Variants in EXOC7 observed in about 807,000 individuals in gnomAD.
EXOC7 encodes exocyst complex component Exo70.
A neutral mutation model predicts 87.6 loss-of-function variants in EXOC7; 51 were observed. The ratio of observed to expected loss-of-function variants is 0.58; its 90% confidence interval spans 0.46 to 0.73. The LOEUF (loss-of-function observed/expected upper bound fraction) is 0.73, where lower values mean the gene tolerates loss of function less well. Among genes scored for constraint, EXOC7 ranks in the 30% least tolerant of loss-of-function variants. EXOC7 has a pLI of 0.00. For synonymous variants in EXOC7, 327 were observed against 357.1 expected (o/e 0.92, Z 0.95); for missense variants, 744 against 888.4 (o/e 0.84, Z 2.07).
intron 13 of EXOC7, 50 bp downstream of exon 13, chr17:76,086,030 G>A (rs1243737677): frequency 4.4e-6 from 7 of 1,597,332 alleles, no homozygotes; most frequent in African/African-American, 1.3e-5. Flanking sequence ...GAAGGGAAAG[G>A]CAGGGCATGC....
intron 4 of EXOC7, 125 bp from the exon 5 acceptor site, chr17:76,098,143 C>T: frequency 3.4e-6 from 2 of 592,568 alleles, no homozygotes; most frequent in South Asian, 2.3e-5. Context: ...GCCCTGATAT[C>T]TTTTTTTTTT....
At chr17:76,090,242 C>T (rs2067413303) in intron 7 of EXOC7, 2 of 1,463,676 alleles carry the variant, frequency 1.4e-6, no homozygotes, top group South Asian at 1.3e-5. Context: ...AGAGTGGGCC[C>T]AGCTGGGCCA....
intron 10 of EXOC7, 36 bp downstream of exon 10, chr17:76,088,428 C>T (rs369143011): frequency 3.9e-5 from 62 of 1,592,840 alleles, no homozygotes; most frequent in Non-Finnish European, 5.1e-5. Context: ...TGGTGCTGGG[C>T]CGGGAGGGAG....
chr17:76,091,000 C>T (rs2067451699), intron 7 of EXOC7, 143 bp downstream of exon 7: 5 of 723,852 alleles, frequency 6.9e-6, no homozygotes, highest in Non-Finnish European at 7.4e-6. Context: ...CGCTGAAGCC[C>T]GAGTGGCATC....
rs2067049317 is a variant in EXOC7 at position 76,083,004 on chromosome 17, C to CTGG, written c.*643_*644insCCA. 2.0e-5 allele frequency: 4 copies of CTGG among 203,922 alleles called. No individual in the cohort carries two copies. Among genetic ancestry groups the CTGG allele is most frequent in the Admixed American group, 1.7e-4 (3 of 17,458 alleles). 12.6% of individuals were successfully genotyped at this position (203,922 alleles called of 1,614,324 possible). A position where few individuals can be genotyped will look rare whatever the true frequency, so the allele number is the denominator to read the frequency against. ...AGGCACTGAGGCTGGGGGCCAGAGACAGGGGCCTGAGGAAGGCTGTAGAGG... is the reference window on the plus strand; with the variant it reads ...AGGCACTGAGGCTGGGGGCCAGAGACTGGAGGGGCCTGAGGAAGGCTGTAGAGG... On this transcript the variant is annotated 3_prime_UTR_variant, in exon 19 of 19. Transcript: ENST00000589210.
chr17:76,098,919 T>C (rs2144690336), intron 4 of EXOC7, among the ~76,000 whole-genome samples: 2 of 151,940 alleles, frequency 1.3e-5, no homozygotes, highest in Middle Eastern at 6.8e-3. Flanking sequence ...AACCGTTAAT[T>C]TGTCTTCTTG....
intron 5 of EXOC7, among the ~76,000 whole-genome samples, chr17:76,095,963 G>A (rs898455072): frequency 7.2e-5 from 11 of 152,266 alleles, no homozygotes; most frequent in Admixed American, 2.6e-4. Flanking sequence ...AAGGAACCCC[G>A]ACAGAAGAAA....
At chr17:76,099,642 A>G (rs2067959995) in intron 4 of EXOC7, among the ~76,000 whole-genome samples, 1 of 152,248 alleles carries the variant, frequency 6.6e-6, no homozygotes, top group Admixed American at 6.5e-5. Context: ...GCATCACGCT[A>G]AGTGAAAGAG....
At chr17:76,091,290 G>A in intron 6 of EXOC7, 55 bp from the exon 7 acceptor site, 1 of 1,503,354 alleles carries the variant, frequency 6.7e-7, no homozygotes, top group Non-Finnish European at 9.3e-7. Flanking sequence ...ATGAGTGAGA[G>A]AAAACAGCAG....
chr17:76,088,425 G>A (rs759275690), intron 10 of EXOC7, 39 bp downstream of exon 10: 7 of 1,583,942 alleles, frequency 4.4e-6, no homozygotes, highest in Middle Eastern at 1.7e-4. Flanking sequence ...CTGTGGTGCT[G>A]GGCCGGGAGG....
At chr17:76,088,996 T>G in intron 8 of EXOC7, 73 bp from the exon 9 acceptor site, 1 of 1,521,690 alleles carries the variant, frequency 6.6e-7, no homozygotes, top group Middle Eastern at 1.7e-4. Flanking sequence ...GGGGGATCCT[T>G]GCAGTATGTA....
intron 10 of EXOC7, 95 bp downstream of exon 10, chr17:76,088,369 G>T: frequency 1.6e-6 from 2 of 1,283,870 alleles, no homozygotes; most frequent in Non-Finnish European, 1.1e-6. Flanking sequence ...CCGGGACAAC[G>T]CACCCTCTTG....
intron 2 of EXOC7, 36 bp downstream of exon 2, chr17:76,103,325 A>T: frequency 6.4e-7 from 1 of 1,556,210 alleles, no homozygotes; most frequent in Non-Finnish European, 8.7e-7. Context: ...CAGGGTCCGG[A>T]GGCCTGCCCT....
chr17:76,097,737 AAG>A (rs2067838835), intron 5 of EXOC7, 57 bp downstream of exon 5: 1 of 858,974 alleles, frequency 1.2e-6, no homozygotes, highest in Non-Finnish European at 1.8e-6. Flanking sequence ...AAAAAGAACA[AAG>A]GGGAGAAAAC....
rs182284721 is a variant in EXOC7 at position 76,084,652 on chromosome 17, A to C, written c.1713-72T>G. On this transcript the variant is annotated intron_variant, in intron 15 of 18. Coordinates refer to ENST00000589210, the MANE Select transcript of EXOC7 (RefSeq NM_001013839.4). ...AGTGGCCTGGCTTGTTTCGTTTGCT[A>C]AATCTCTGGATCTACTTGGTGGGTG... 2.2e-6 allele frequency: 3 copies of C among 1,376,062 alleles called. No individual in the cohort carries two copies. The East Asian group carries it at 6.9e-5, about 32-fold the overall frequency. The allele number at this position is 1,376,062 out of a possible 1,614,324, so 85.2% of individuals were successfully genotyped here.
intron 13 of EXOC7, 56 bp downstream of exon 13, chr17:76,086,024 G>T: frequency 6.3e-7 from 1 of 1,595,818 alleles, no homozygotes; most frequent in South Asian, 1.1e-5. Flanking sequence ...CAGAAGGAAG[G>T]GAAAGGCAGG....
At chr17:76,091,007 C>T in intron 7 of EXOC7, 136 bp downstream of exon 7, 2 of 743,092 alleles carry the variant, frequency 2.7e-6, no homozygotes, top group Non-Finnish European at 4.8e-6. Flanking sequence ...GCCCGAGTGG[C>T]ATCGGGGACC....
intron 7 of EXOC7, chr17:76,090,637 G>C (rs767336026): frequency 4.4e-6 from 3 of 675,540 alleles, no homozygotes; most frequent in Non-Finnish European, 7.4e-6. Context: ...TCATTTCCCC[G>C]AGCCTGGAGG....
chr17:76,095,425 C>T (rs936861020), intron 5 of EXOC7, among the ~76,000 whole-genome samples: 8 of 152,156 alleles, frequency 5.3e-5, no homozygotes, highest in South Asian at 2.1e-4. Context: ...TGAGCCATGG[C>T]GCCCAGCCCT....
Sources: allele counts gnomAD v4.1 joint callset (sites outside exome capture counted in the v4.1 genomes callset), GRCh38; gene constraint gnomAD v4.1.1; transcripts MANE v1.5; gene names NCBI Gene and HGNC (gene_info 2026-07-23, HGNC 2026-07-21).